Variants in TMTC2 observed in about 807,000 individuals in gnomAD.
TMTC2 encodes transmembrane O-mannosyltransferase targeting cadherins 2, also known as protein O-mannosyl-transferase TMTC2.
In TMTC2, 43 loss-of-function variants were observed where a neutral mutation model predicts 82.4. The ratio of observed to expected loss-of-function variants is 0.52; its 90% CI spans 0.41 to 0.67. The LOEUF (loss-of-function observed/expected upper bound fraction) is 0.67. Among genes scored for constraint, TMTC2 ranks in the 30% least tolerant of loss-of-function variants. The pLI is 0.00. For synonymous variants in TMTC2, 408 were observed against 381.9 expected (o/e 1.07, Z -0.80); for missense variants, 919 against 1,012.4 (o/e 0.91, Z 1.25).
At chr12:82,749,739 C>CTTTCTTTCTT (rs575985124) in intron 1 of TMTC2, among the ~76,000 whole-genome samples, 4 of 127,164 alleles carry the variant, frequency 3.1e-5, no homozygotes, top group African/African-American at 1.2e-4. Context: ...TTCTTTCTTT[C>CTTTCTTTCTT]TTTTTTTTTT....
intron 1 of TMTC2, among the ~76,000 whole-genome samples, chr12:82,716,889 A>G (rs1387731409): frequency 6.6e-6 from 1 of 152,188 alleles, no homozygotes; most frequent in African/African-American, 2.4e-5. Flanking sequence ...TAAGTACTGT[A>G]TTGCTCTTTC....
In TMTC2 at chr12:82,967,004, A is replaced by G; in HGVS notation, c.1948+7A>G. 6.2e-7 allele frequency: 1 copy of G among 1,608,348 alleles called. No homozygotes were observed. Among genetic ancestry groups the G allele is most frequent in the Non-Finnish European group, 8.5e-7 (1 of 1,176,196 alleles). ...AGCTTGTACAACATGATGGGTAAGT[A>G]AAACATTAACACTTTTAAATTGATA... On this transcript the variant is annotated splice_region_variant and intron_variant, in intron 7 of 11. Coordinates refer to ENST00000321196, the MANE Select transcript of TMTC2 (RefSeq NM_152588.3).
chr12:82,778,663 A>C (rs1205402507), intron 1 of TMTC2, among the ~76,000 whole-genome samples: 12 of 151,502 alleles, frequency 7.9e-5, no homozygotes, highest in South Asian at 2.1e-4. Context: ...TCCCGGCTAA[A>C]ACGGTGAAAC....
intron 1 of TMTC2, among the ~76,000 whole-genome samples, chr12:82,787,693 G>A (rs906895658): frequency 2.0e-5 from 3 of 152,066 alleles, no homozygotes; most frequent in African/African-American, 7.2e-5. Context: ...TGGATCACAC[G>A]AGGTCAGGAG....
At chr12:82,739,828 A>G (rs1238267512) in intron 1 of TMTC2, among the ~76,000 whole-genome samples, 1 of 149,734 alleles carries the variant, frequency 6.7e-6, no homozygotes, top group Non-Finnish European at 1.5e-5. Flanking sequence ...ATAAAAATTT[A>G]GAGGAAAACA....
chr12:83,105,150 C>T (rs1052154376), intron 11 of TMTC2, among the ~76,000 whole-genome samples: 13 of 152,160 alleles, frequency 8.5e-5, no homozygotes, highest in Non-Finnish European at 7.3e-5. Context: ...CTTCACGGTC[C>T]GTATTACCAT....
chr12:82,997,788 T>C (rs1879732603), intron 8 of TMTC2, among the ~76,000 whole-genome samples: 1 of 151,870 alleles, frequency 6.6e-6, no homozygotes, highest in South Asian at 2.1e-4. Context: ...GAAAAAAAAA[T>C]CCAGTAGCCA....
intron 2 of TMTC2, among the ~76,000 whole-genome samples, chr12:82,881,645 G>C (rs1402330835): frequency 5.9e-5 from 9 of 152,158 alleles, no homozygotes. Context: ...TCACAGCCAC[G>C]TTAATAATTT....
intron 11 of TMTC2, among the ~76,000 whole-genome samples, chr12:83,126,224 G>A (rs2137568147): frequency 6.6e-6 from 1 of 152,126 alleles, no homozygotes; most frequent in African/African-American, 2.4e-5. Context: ...CATTTGCTAT[G>A]GGTACACAAA....
chr12:83,091,014 A>C (rs972777085), intron 11 of TMTC2, among the ~76,000 whole-genome samples: 1 of 152,150 alleles, frequency 6.6e-6, no homozygotes, highest in Non-Finnish European at 1.5e-5. Context: ...TGTATGTTCT[A>C]CTTAAGTGTC....
intron 11 of TMTC2, among the ~76,000 whole-genome samples, chr12:83,085,843 A>G (rs1245812856): frequency 2.0e-5 from 3 of 152,196 alleles, no homozygotes; most frequent in Non-Finnish European, 2.9e-5. Flanking sequence ...ATTTCCTACC[A>G]CAGTAAAGGC....
At chr12:83,077,901 T>TTTTTTTTTTTTTTTC (rs1565879959) in intron 11 of TMTC2, among the ~76,000 whole-genome samples, 1 of 141,124 alleles carries the variant, frequency 7.1e-6, no homozygotes, top group Non-Finnish European at 1.6e-5. Context: ...TTTTTTTTTT[T>TTTTTTTTTTTTTTTC]TTTTAACAGG....
rs147385949 is a variant in TMTC2 at position 83,050,949 on chromosome 12, T to C, written c.2198T>C (p.Met733Thr). Reference sequence around the variant, plus strand: ...GCTCGTCTCATAGAAGCAGCTGAGATGGCAAAAAAAGCAGCTGAACTAGAC... The same window carrying C: ...GCTCGTCTCATAGAAGCAGCTGAGACGGCAAAAAAAGCAGCTGAACTAGAC... ...EEARLIEAAE[M>T]AKKAAELDST... The change falls in exon 10 of 12, where the codon ATG becomes ACG. Residue 733 changes from methionine to threonine, a missense_variant. Coordinates refer to ENST00000321196, the MANE Select transcript of TMTC2 (RefSeq NM_152588.3). The C allele has an allele frequency of 8.7e-6, 14 of 1,613,386 alleles. No homozygotes were observed. Among genetic ancestry groups the C allele is most frequent in the Non-Finnish European group, 1.1e-5 (13 of 1,179,630 alleles).
intron 11 of TMTC2, among the ~76,000 whole-genome samples, chr12:83,117,446 G>A (rs961337568): frequency 1.3e-5 from 2 of 152,074 alleles, no homozygotes; most frequent in African/African-American, 4.8e-5. Context: ...TTCATTTCAG[G>A]GATGCAGGGA....
chr12:82,921,458 G>A (rs1006771980), intron 3 of TMTC2, among the ~76,000 whole-genome samples: 1 of 152,052 alleles, frequency 6.6e-6, no homozygotes, highest in Admixed American at 6.6e-5. Context: ...TACTATTATT[G>A]TTGTTATTTT....
At chr12:82,962,860 C>G (rs897535556) in intron 4 of TMTC2, among the ~76,000 whole-genome samples, 8 of 151,942 alleles carry the variant, frequency 5.3e-5, no homozygotes, top group African/African-American at 1.9e-4. Context: ...AACACCAACT[C>G]CTTTTAAAGG....
chr12:82,908,024 A>C (rs1224834389), intron 3 of TMTC2, among the ~76,000 whole-genome samples: 1 of 152,124 alleles, frequency 6.6e-6, no homozygotes, highest in Non-Finnish European at 1.5e-5. Flanking sequence ...AGGCAGAAGA[A>C]TTGCTTGCAC....
chr12:82,849,671 A>G (rs1870870385), intron 1 of TMTC2, among the ~76,000 whole-genome samples: 1 of 152,134 alleles, frequency 6.6e-6, no homozygotes, highest in South Asian at 2.1e-4. Flanking sequence ...CCAATGTTAC[A>G]TGGGAATTAC....
At chr12:83,122,553 G>A (rs1884986486) in intron 11 of TMTC2, among the ~76,000 whole-genome samples, 1 of 152,088 alleles carries the variant, frequency 6.6e-6, no homozygotes, top group South Asian at 2.1e-4. Context: ...CTCAGCTCCA[G>A]GCAAAGTCAC....
Sources: allele counts gnomAD v4.1 joint callset (sites outside exome capture counted in the v4.1 genomes callset), GRCh38; gene constraint gnomAD v4.1.1; transcripts MANE v1.5; gene names NCBI Gene and HGNC (gene_info 2026-07-23, HGNC 2026-07-21).